The following DNAAF11 variants were observed in gnomAD, a reference collection of about 807,000 sequenced individuals.
The protein encoded by DNAAF11 is dynein axonemal assembly factor 11, also known as leucine rich repeat containing 6.
DNAAF11 carries 45 observed loss-of-function variants against 60.8 expected under a neutral mutation model. That is an observed-to-expected ratio of 0.74 (90% CI 0.58 to 0.95). The LOEUF (loss-of-function observed/expected upper bound fraction) is 0.95. Ranked by LOEUF, DNAAF11 falls within the 40% of genes least tolerant of loss-of-function variation. The pLI is 0.00. For synonymous variants in DNAAF11, 191 were observed against 183.5 expected, an observed-to-expected ratio of 1.04 and a Z score of -0.33; for missense variants, 546 against 546.2, an observed-to-expected ratio of 1.00 and a Z score of 0.00.
In DNAAF11 at chr8:132,632,843, T is replaced by G. The variant is rs748737174; in HGVS notation, c.550A>C (p.Lys184Gln). Residue 184 changes from lysine (K) to glutamine (Q), a missense_variant, in exon 5 of 12, where the codon AAG becomes CAG. Coordinates refer to ENST00000620350, the MANE Select transcript of DNAAF11 (RefSeq NM_012472.6). ...TGGTGTTTCCTCTGAGCCTCTTCCT[T>G]GAGTTTGGCTCGTTTAAGACAGTGA... ...KDHCLKRAKL[K>Q]EEAQRKHQEE... 11 of 1,613,000 alleles carry G rather than the reference T, an allele frequency of 6.8e-6. No homozygotes were observed. Among genetic ancestry groups the G allele is most frequent in the South Asian group, 6.6e-5 (6 of 91,056 alleles).
chr8:132,579,306 T>C (rs1205240109), intron 11 of DNAAF11, among the ~76,000 whole-genome samples: 1 of 152,102 alleles, frequency 6.6e-6, no homozygotes, highest in East Asian at 1.9e-4. Flanking sequence ...CACAACAGGC[T>C]ACATGAAGCA....
intron 10 of DNAAF11, among the ~76,000 whole-genome samples, 197 bp from the exon 11 acceptor site, chr8:132,583,976 T>G (rs1210482494): frequency 1.3e-5 from 2 of 152,158 alleles, no homozygotes; most frequent in Non-Finnish European, 2.9e-5. Context: ...TGCAAGAGTC[T>G]CGCGAAGCCA....
intron 1 of DNAAF11, among the ~76,000 whole-genome samples, chr8:132,663,246 G>C (rs184038120): frequency 4.6e-5 from 7 of 152,288 alleles, no homozygotes; most frequent in Non-Finnish European, 2.9e-5. Context: ...ATAATGGTTT[G>C]TGAACCAGCT....
At chr8:132,694,859 C>T in the DNAAF11 span, among the ~76,000 whole-genome samples, 1 of 152,136 alleles carries the variant, frequency 6.6e-6, no homozygotes, top group African/African-American at 2.4e-5. Context: ...TGGATGGCAC[C>T]ACTCTAGAAG....
chr8:132,637,246 AC>A, intron 4 of DNAAF11, among the ~76,000 whole-genome samples: 1 of 152,196 alleles, frequency 6.6e-6, no homozygotes, highest in African/African-American at 2.4e-5. Context: ...TGACCCAGAA[AC>A]CCTGGGGGAG....
chr8:132,658,600 C>T (rs1310372864), intron 2 of DNAAF11, among the ~76,000 whole-genome samples: 1 of 152,164 alleles, frequency 6.6e-6, no homozygotes, highest in Admixed American at 6.5e-5. Context: ...GGATTACAGG[C>T]ATGAGCCACC....
At chr8:132,698,236 T>C in the DNAAF11 span, among the ~76,000 whole-genome samples, 10 of 152,330 alleles carry the variant, frequency 6.6e-5, no homozygotes, top group African/African-American at 1.9e-4. Flanking sequence ...CACTTCGTAA[T>C]AGACCATGGA....
rs544329140 is a variant in DNAAF11, at chr8:132,668,383, G to C, written c.11-6756C>G. On this transcript the variant is annotated intron_variant, in intron 1 of 11. Transcript: ENST00000620350. ...TAGAAAGTATGATGAGTGCACAGGA[G>C]ACAGTGATCGGTGCTACTGAGAAAA... is the stretch of plus-strand genomic sequence containing the variant. 2.0e-5 allele frequency among the ~76,000 whole-genome samples: 3 copies of C among 152,312 alleles called. No individual in the cohort carries two copies. The East Asian group carries it at 5.8e-4, about 29-fold the overall frequency.
chr8:132,610,303 G>T, intron 9 of DNAAF11, 42 bp from the exon 10 acceptor site: 1 of 1,336,538 alleles, frequency 7.5e-7, no homozygotes, highest in Non-Finnish European at 1.1e-6. Context: ...GAGCAAGGAC[G>T]TTACATGAGA....
At chr8:132,637,513 G>C (rs540762769) in intron 4 of DNAAF11, among the ~76,000 whole-genome samples, 1 of 151,966 alleles carries the variant, frequency 6.6e-6, no homozygotes. Flanking sequence ...GCTGAGGCAG[G>C]ACAATCACTT....
intron 8 of DNAAF11, among the ~76,000 whole-genome samples, chr8:132,612,817 C>T (rs1358070459): frequency 1.3e-5 from 2 of 152,108 alleles, no homozygotes; most frequent in East Asian, 3.9e-4. Flanking sequence ...GGAATTATAG[C>T]ATAATTCATT....
At chr8:132,674,683 G>A (rs1480620014) in intron 1 of DNAAF11, among the ~76,000 whole-genome samples, 6 of 152,218 alleles carry the variant, frequency 3.9e-5, no homozygotes, top group Non-Finnish European at 8.8e-5. Context: ...GAGGTCAGGA[G>A]TTCGAGACCA....
chr8:132,683,918 A>C, the DNAAF11 span, among the ~76,000 whole-genome samples: 5 of 152,180 alleles, frequency 3.3e-5, no homozygotes, highest in Non-Finnish European at 5.9e-5. Context: ...GAGGTCATGT[A>C]AGTCTTCTCT....
rs770572927 is a variant in DNAAF11, at chr8:132,637,974, G to C, written c.390C>G (p.His130Gln). ...GAGTTGCTACCACGAACTCCCTATA[G>C]TGGTCAAAGGAAGCACATGGGTTCC... ...LMGNPCASFDHYREFVVATLP... is the reference protein window; with the variant it reads ...LMGNPCASFDQYREFVVATLP... Residue 130 changes from histidine to glutamine, a missense_variant, in exon 4 of 12, where the codon CAC becomes CAG. Transcript: ENST00000620350. 2 of 1,614,062 alleles carry C rather than the reference G, an allele frequency of 1.2e-6. No individual in the cohort carries two copies. Among genetic ancestry groups the C allele is most frequent in the Admixed American group, 3.3e-5 (2 of 60,008 alleles).
intron 10 of DNAAF11, among the ~76,000 whole-genome samples, chr8:132,601,000 G>A (rs1161791702): frequency 6.6e-6 from 1 of 151,450 alleles, no homozygotes; most frequent in Non-Finnish European, 1.5e-5. Context: ...TACAGAATGG[G>A]AAAAAAGTTT....
chr8:132,578,632 A>G (rs1563963174), intron 11 of DNAAF11: 1 of 634,836 alleles, frequency 1.6e-6, no homozygotes, highest in South Asian at 2.2e-5. Flanking sequence ...TTATCAAAAA[A>G]CATAAAGAAA....
chr8:132,573,379 G>C (rs1395942588), intron 11 of DNAAF11, among the ~76,000 whole-genome samples: 1 of 152,188 alleles, frequency 6.6e-6, no homozygotes, highest in Non-Finnish European at 1.5e-5. Flanking sequence ...TGTGCAAATA[G>C]ACAATGTTCC....
At chr8:132,627,988 G>A (rs1190401571) in intron 5 of DNAAF11, among the ~76,000 whole-genome samples, 1 of 152,112 alleles carries the variant, frequency 6.6e-6, no homozygotes, top group Non-Finnish European at 1.5e-5. Flanking sequence ...GGCTCCTTTT[G>A]TGATAAATCC....
chr8:132,620,314 C>G (rs368340913), intron 7 of DNAAF11, among the ~76,000 whole-genome samples: 1 of 152,190 alleles, frequency 6.6e-6, no homozygotes, highest in Admixed American at 6.6e-5. Context: ...TGAAGACAAA[C>G]GACAAGGACT....
Sources: allele counts gnomAD v4.1 joint callset (sites outside exome capture counted in the v4.1 genomes callset), GRCh38; gene constraint gnomAD v4.1.1; transcripts MANE v1.5; gene names NCBI Gene and HGNC (gene_info 2026-07-23, HGNC 2026-07-21).